GRID2: variants seen among roughly 807,000 people sequenced by gnomAD.
GRID2 encodes glutamate ionotropic receptor delta type subunit 2.
Under a neutral mutation model 114.8 loss-of-function variants are expected in GRID2, and 33 were observed. The observed-to-expected ratio is 0.29, with a 90% CI of 0.22 to 0.38. GRID2 has a LOEUF of 0.38. GRID2 is among the 10% of genes least tolerant of loss of function. The pLI, the probability that GRID2 is intolerant of heterozygous loss-of-function variation, is 1.00. For synonymous variants in GRID2, 505 were observed against 449.9 expected (o/e 1.12, Z -1.55); for missense variants, 1,184 against 1,257.7 (o/e 0.94, Z 0.89).
In GRID2 at chr4:92,922,220, A is replaced by C. The variant is rs115991691; in HGVS notation, c.245-162775A>C. On this transcript the variant is annotated intron_variant, in intron 2 of 15. Transcript: ENST00000282020. ...AAAGCACAGTATTACGATGGGAGTG[A>C]CCCAATTTTCCAGGTGCCATCGTCA... is the stretch of plus-strand genomic sequence containing the variant. 5.2e-3 allele frequency among the ~76,000 whole-genome samples: 797 copies of C among 152,084 alleles called. 7 individuals carry two copies. The highest frequency in any genetic ancestry group is 0.018 in the African/African-American group (763 of 41,484).
At chr4:93,224,864 A>G (rs1255697016) in intron 7 of GRID2, 89 bp downstream of exon 7, 1 of 928,992 alleles carries the variant, frequency 1.1e-6, no homozygotes, top group Admixed American at 2.6e-5. Context: ...ATATTTCTAC[A>G]AATTCTAAGC....
intron 8 of GRID2, among the ~76,000 whole-genome samples, chr4:93,317,983 TGAA>T (rs1756838551): frequency 2.3e-5 from 1 of 42,630 alleles, no homozygotes; most frequent in Non-Finnish European, 4.8e-5. Flanking sequence ...CCTTTAAAAG[TGAA>T]ATATATATAT....
chr4:92,371,961 T>C (rs1729135637), intron 1 of GRID2, among the ~76,000 whole-genome samples: 1 of 152,142 alleles, frequency 6.6e-6, no homozygotes, highest in South Asian at 2.1e-4. Context: ...CTAACCCTTA[T>C]GGAAGCATTT....
intron 1 of GRID2, among the ~76,000 whole-genome samples, chr4:92,371,865 C>A (rs1168347281): frequency 6.6e-6 from 1 of 152,072 alleles, no homozygotes; most frequent in Admixed American, 6.6e-5. Flanking sequence ...AAAGGATTTA[C>A]CATTCAAGAT....
intron 14 of GRID2, among the ~76,000 whole-genome samples, chr4:93,673,261 C>T (rs1405878248): frequency 1.3e-5 from 2 of 152,110 alleles, no homozygotes; most frequent in Non-Finnish European, 2.9e-5. Context: ...AATCAGGAAG[C>T]ACTTTATGTA....
rs1044120898 is a variant in GRID2, at chr4:92,611,148, G to A, written c.244+20862G>A. Among the ~76,000 whole-genome samples the A allele has an allele frequency of 1.7e-4, 18 of 106,140 alleles. No individual in the cohort carries two copies. In the East Asian group the frequency reaches 3.6e-3, roughly 21 times the overall value. 69.6% of individuals were successfully genotyped at this position (106,140 alleles called of 152,430 possible). On this transcript the variant is annotated intron_variant, in intron 2 of 15. Coordinates refer to ENST00000282020, the MANE Select transcript of GRID2 (RefSeq NM_001510.4). The stretch of plus-strand genomic sequence containing the variant: ...TGTGTGTGCATGTGTGTGTGTGCAT[G>A]TGTGTGTGTGTGTGTGTGTTTTAGC...
chr4:92,747,681 C>T (rs566819583), intron 2 of GRID2, among the ~76,000 whole-genome samples: 71 of 152,200 alleles, frequency 4.7e-4, no homozygotes, highest in Middle Eastern at 3.4e-3. Context: ...AGCTTCCTGA[C>T]CTTTCCTTTT....
chr4:92,536,254 A>G (rs1480334308), intron 1 of GRID2, among the ~76,000 whole-genome samples: 1 of 151,998 alleles, frequency 6.6e-6, no homozygotes, highest in Non-Finnish European at 1.5e-5. Context: ...CTAGACAGAA[A>G]AGTTCTCCAA....
intron 14 of GRID2, among the ~76,000 whole-genome samples, chr4:93,671,142 C>A (rs901142229): frequency 2.7e-4 from 41 of 152,132 alleles, no homozygotes; most frequent in African/African-American, 9.2e-4. Context: ...GGAAAAGGGT[C>A]TGACAGAACC....
intron 8 of GRID2, among the ~76,000 whole-genome samples, chr4:93,270,762 G>A (rs1579496398): frequency 6.6e-6 from 1 of 152,010 alleles, no homozygotes; most frequent in Non-Finnish European, 1.5e-5. Context: ...CTGAGTAGCT[G>A]GAATTACAGA....
chr4:92,562,200 G>GA (rs941212252), intron 1 of GRID2, among the ~76,000 whole-genome samples: 2 of 152,086 alleles, frequency 1.3e-5, no homozygotes, highest in Non-Finnish European at 2.9e-5. Flanking sequence ...AAATCTCCTT[G>GA]AAAAGAACAA....
At chr4:92,601,026 C>T (rs375817505) in intron 2 of GRID2, among the ~76,000 whole-genome samples, 13 of 152,118 alleles carry the variant, frequency 8.5e-5, no homozygotes, top group South Asian at 8.3e-4. Context: ...CGTCCCTCCC[C>T]CAAAGGGCTT....
At chr4:92,711,660 TG>T (rs1469952879) in intron 2 of GRID2, among the ~76,000 whole-genome samples, 1 of 152,154 alleles carries the variant, frequency 6.6e-6, no homozygotes, top group Non-Finnish European at 1.5e-5. Context: ...CCAAGCACTT[TG>T]GGAAGTCAAG....
intron 1 of GRID2, among the ~76,000 whole-genome samples, chr4:92,572,466 G>A (rs1011410361): frequency 4.6e-5 from 7 of 152,286 alleles, no homozygotes; most frequent in Non-Finnish European, 8.8e-5. Flanking sequence ...ACAAGGAGGA[G>A]CTGGTACCAT....
chr4:92,508,635 AGACT>A (rs1724095082), intron 1 of GRID2, among the ~76,000 whole-genome samples: 1 of 151,908 alleles, frequency 6.6e-6, no homozygotes, highest in African/African-American at 2.4e-5. Context: ...AATGGCAAGA[AGACT>A]TGGTGTTTGG....
chr4:92,565,326 C>T (rs920152880), intron 1 of GRID2, among the ~76,000 whole-genome samples: 6 of 151,906 alleles, frequency 3.9e-5, no homozygotes, highest in Non-Finnish European at 8.8e-5. Context: ...TGAATCAACA[C>T]TGTCAATTCA....
chr4:92,572,553 G>A (rs759942887), intron 1 of GRID2, among the ~76,000 whole-genome samples: 1 of 152,118 alleles, frequency 6.6e-6, no homozygotes, highest in Non-Finnish European at 1.5e-5. Context: ...GCATCATCCT[G>A]ATACCAAAGC....
intron 2 of GRID2, among the ~76,000 whole-genome samples, chr4:93,011,421 C>G (rs1423623694): frequency 1.3e-5 from 2 of 151,964 alleles, no homozygotes; most frequent in African/African-American, 4.8e-5. Context: ...TTCTTCTCCC[C>G]AGAGGTGTTG....
At chr4:92,624,103 C>T (rs1015319707) in intron 2 of GRID2, among the ~76,000 whole-genome samples, 14 of 151,820 alleles carry the variant, frequency 9.2e-5, no homozygotes, top group African/African-American at 3.4e-4. Context: ...CAATATTCAG[C>T]ATTAATTAAA....
Sources: allele counts gnomAD v4.1 joint callset (sites outside exome capture counted in the v4.1 genomes callset), GRCh38; gene constraint gnomAD v4.1.1; transcripts MANE v1.5; gene names NCBI Gene and HGNC (gene_info 2026-07-23, HGNC 2026-07-21).